ZFP2: variants seen among roughly 807,000 people sequenced by gnomAD.
ZFP2 encodes the protein ZFP2 zinc finger protein, also known as zinc finger protein ZFP2.
Under a neutral mutation model 36.1 loss-of-function variants are expected in ZFP2, and 33 were observed. The ratio of observed to expected loss-of-function variants is 0.92; its 90% confidence interval spans 0.69 to 1.22. The LOEUF is 1.22. ZFP2 is among the 50% of genes most tolerant of loss of function. ZFP2 has a pLI of 0.00. For synonymous variants in ZFP2, 170 were observed against 178.0 expected (o/e 0.96, Z 0.36); for missense variants, 522 against 551.4 (o/e 0.95, Z 0.53).
At chr5:178,929,946 G>T (rs577419398) in intron 4 of ZFP2, among the ~76,000 whole-genome samples, 1,501 of 147,610 alleles carry the variant, frequency 0.01, 49 homozygotes, top group Admixed American at 0.016. Context: ...TGACGGTGGG[G>T]GGGGGGGCTC....
chr5:178,932,776 A>C lies in ZFP2; in HGVS notation c.*77A>C. The C allele has an allele frequency of 6.8e-7, 1 of 1,475,284 alleles. No homozygotes were observed. The highest frequency in any genetic ancestry group is 9.0e-7 in the Non-Finnish European group (1 of 1,106,018). 91.4% of individuals were successfully genotyped at this position (1,475,284 alleles called of 1,614,324 possible). ...TATGAGACATACAATGTAGAAACCT[A>C]ATAAATGTAATGATTGTGGGAATCT... On this transcript the variant is annotated 3_prime_UTR_variant, in exon 5 of 5. Coordinates refer to ENST00000361362, the MANE Select transcript of ZFP2 (RefSeq NM_030613.4).
chr5:178,923,568 T>C (rs1042265099), intron 4 of ZFP2, among the ~76,000 whole-genome samples: 2 of 149,562 alleles, frequency 1.3e-5, no homozygotes, highest in African/African-American at 4.9e-5. Flanking sequence ...AGGAGTACTG[T>C]TATTACTGAA....
In ZFP2 at chr5:178,920,017, G is replaced by T. The variant is rs150097520; in HGVS notation, c.-78+3307G>T. Among the ~76,000 whole-genome samples, 502 of 152,014 alleles carry T rather than the reference G, an allele frequency of 3.3e-3. 13 individuals carry two copies. The highest frequency in any genetic ancestry group is 0.029 in the Admixed American group (446 of 15,270). ...TGCATCTGGGCGTGGATTTCTTTGG[G>T]TTTACCCTGTTCCTATAGGTTGAAA... is the stretch of plus-strand genomic sequence containing the variant. On this transcript the variant is annotated intron_variant, in intron 4 of 4. Coordinates refer to ENST00000361362, the MANE Select transcript of ZFP2 (RefSeq NM_030613.4).
rs1554107138 is a variant in ZFP2, at chr5:178,925,125, A to ATG, written c.-77-6111_-77-6110insGT. ...TGAATCTTTATATATATATATATAT[A>ATG]TACACACACACACACACACACACAC... On this transcript the variant is annotated intron_variant, in intron 4 of 4. Coordinates refer to ENST00000361362, the MANE Select transcript of ZFP2 (RefSeq NM_030613.4). Among the ~76,000 whole-genome samples, 33 of 60,680 alleles carry ATG rather than the reference A, an allele frequency of 5.4e-4. 1 individual carries two copies. In the South Asian group the frequency reaches 6.3e-3, roughly 12 times the overall value. The allele number at this position is 60,680 out of a possible 152,430, so 39.8% of individuals were successfully genotyped here.
chr5:178,932,403 A>G lies in ZFP2; in HGVS notation c.1090A>G (p.Thr364Ala), dbSNP rs1317777029. ...YECMVCGKHF[T>A]GRSSLTVHQV... ...GTGTATGGTGTGTGGAAAACATTTC[A>G]CTGGACGATCATCCCTTACCGTGCA... is the stretch of plus-strand genomic sequence containing the variant. Residue 364 changes from threonine (T) to alanine (A), a missense_variant, in exon 5 of 5, where the codon ACT (threonine) becomes GCT (alanine). Coordinates refer to ENST00000361362, the MANE Select transcript of ZFP2 (RefSeq NM_030613.4). 1.9e-6 allele frequency: 3 copies of G among 1,613,972 alleles called. No individual in the cohort carries two copies. The highest frequency in any genetic ancestry group is 1.7e-6 in the Non-Finnish European group (2 of 1,180,036).
intron 4 of ZFP2, among the ~76,000 whole-genome samples, chr5:178,929,697 C>T (rs1758775745): frequency 6.6e-6 from 1 of 152,168 alleles, no homozygotes; most frequent in Admixed American, 6.5e-5. Flanking sequence ...CTCTTATCTT[C>T]CTATCTTCTT....
intron 4 of ZFP2, among the ~76,000 whole-genome samples, chr5:178,930,287 A>G (rs971503408): frequency 8.4e-6 from 1 of 119,100 alleles, no homozygotes; most frequent in African/African-American, 3.1e-5. Flanking sequence ...TTCCTATATC[A>G]TATTTCTTTC....
rs72816610 is a variant in ZFP2 at position 178,898,607 on chromosome 5, C to G, written c.-450+2633C>G. 8.9e-4 allele frequency among the ~76,000 whole-genome samples: 135 copies of G among 152,308 alleles called. 1 individual carries two copies. Among genetic ancestry groups the G allele is most frequent in the Admixed American group, 1.6e-3 (25 of 15,298 alleles). On this transcript the variant is annotated intron_variant, in intron 1 of 4. Coordinates refer to ENST00000361362, the MANE Select transcript of ZFP2 (RefSeq NM_030613.4). Reference sequence around the variant, plus strand: ...TGCCTCCTTTGGCTTCTGTCCCTCCCCAAGGAAGAACCCCACAGGAAGGAA... The same window carrying G: ...TGCCTCCTTTGGCTTCTGTCCCTCCGCAAGGAAGAACCCCACAGGAAGGAA...
At position 178,916,705 on chromosome 5, in the gene ZFP2, C is replaced by CTTA. The variant is rs139618439; in HGVS notation, c.-82_-81insTAT. ...ATCTCACTTACTTGACACAAAACATCTATAGGTAAGTACTGGTACTCCTCT... is the reference window on the plus strand; with the variant it reads ...ATCTCACTTACTTGACACAAAACATCTTATATAGGTAAGTACTGGTACTCCTCT... On this transcript the variant is annotated 5_prime_UTR_variant, in exon 4 of 5. Transcript: ENST00000361362. The CTTA allele has an allele frequency of 1.0e-6, 1 of 985,436 alleles. No homozygotes were observed. Among genetic ancestry groups the CTTA allele is most frequent in the East Asian group, 1.1e-4 (1 of 8,818 alleles). The allele number at this position is 985,436 out of a possible 1,614,324, so 61.0% of individuals were successfully genotyped here.
At chr5:178,930,824 G>T (rs1192875687) in intron 4 of ZFP2, among the ~76,000 whole-genome samples, 1 of 152,054 alleles carries the variant, frequency 6.6e-6, no homozygotes, top group African/African-American at 2.4e-5. Flanking sequence ...TAGGAGGAAA[G>T]AAACTTCTGG....
chr5:178,929,945 G>GGT (rs1554107557), intron 4 of ZFP2, among the ~76,000 whole-genome samples: 1 of 141,068 alleles, frequency 7.1e-6, no homozygotes, highest in Non-Finnish European at 1.6e-5. Context: ...TTGACGGTGG[G>GGT]GGGGGGGGCT....
intron 1 of ZFP2, among the ~76,000 whole-genome samples, chr5:178,904,694 TG>T (rs1758130898): frequency 1.4e-5 from 2 of 148,012 alleles, no homozygotes; most frequent in African/African-American, 5.0e-5. Context: ...GAATTCATTT[TG>T]CTTTTTTTTT....
Position 178,932,813 on chromosome 5 carries a change from T to A in ZFP2, c.*114T>A. On this transcript the variant is annotated 3_prime_UTR_variant, in exon 5 of 5. Coordinates refer to ENST00000361362, the MANE Select transcript of ZFP2 (RefSeq NM_030613.4). ...GATTGTGGGAATCTTTCAGTTGAAG[T>A]ACAATATGTCATATCAGATAATACC... 2 of 1,305,772 alleles carry A rather than the reference T, an allele frequency of 1.5e-6. No individual in the cohort carries two copies. The highest frequency in any genetic ancestry group is 2.1e-6 in the Non-Finnish European group (2 of 966,000). The allele number at this position is 1,305,772 out of a possible 1,614,324, so 80.9% of individuals were successfully genotyped here.
At chr5:178,896,669 T>C (rs1030679416) in intron 1 of ZFP2, among the ~76,000 whole-genome samples, 2 of 152,208 alleles carry the variant, frequency 1.3e-5, no homozygotes, top group Non-Finnish European at 2.9e-5. Context: ...ATTAAAACAA[T>C]CATTCAAAAT....
Position 178,931,520 on chromosome 5 carries a change from G to T in ZFP2, c.207G>T (p.Met69Ile), listed in dbSNP as rs189296698. 38 of 1,614,056 alleles carry T rather than the reference G, an allele frequency of 2.4e-5. No homozygotes were observed. In the Admixed American group the frequency reaches 5.0e-4, roughly 21 times the overall value. ...TTGATACACAGCAAAGCATTCCTAT[G>T]GTAAAAAGGCCCCATAACTGTAATT... is the stretch of plus-strand genomic sequence containing the variant. ...SILDTQQSIP[M>I]VKRPHNCNSH... Residue 69 changes from methionine (M) to isoleucine (I), a missense_variant, in exon 5 of 5, where the codon ATG becomes ATT. By Grantham distance (10) the Met-to-Ile change is conservative. Transcript: ENST00000361362.
intron 4 of ZFP2, among the ~76,000 whole-genome samples, chr5:178,921,893 A>G (rs1758567932): frequency 6.7e-6 from 1 of 148,880 alleles, no homozygotes; most frequent in African/African-American, 2.4e-5. Context: ...GAATAGGCCT[A>G]CTCCACCTTA....
chr5:178,897,410 A>T (rs942802087), intron 1 of ZFP2, among the ~76,000 whole-genome samples: 1 of 152,236 alleles, frequency 6.6e-6, no homozygotes, highest in African/African-American at 2.4e-5. Flanking sequence ...CAGAAACGTC[A>T]CAGGTTCTTA....
intron 4 of ZFP2, among the ~76,000 whole-genome samples, chr5:178,920,203 T>C (rs1282155328): frequency 6.6e-6 from 1 of 152,238 alleles, no homozygotes; most frequent in African/African-American, 2.4e-5. Flanking sequence ...TTTCTCAATC[T>C]TTTCTCTCTG....
rs377435952 is a variant in ZFP2 at position 178,904,935 on chromosome 5, T to G, written c.-449-7649T>G. ...GCAGGCTGGTCTCGAACTCCTGACC[T>G]CGTGATCTGCCTGCCTCAGCTTCCC... On this transcript the variant is annotated intron_variant, in intron 1 of 4. Transcript: ENST00000361362. 1.8e-4 allele frequency among the ~76,000 whole-genome samples: 28 copies of G among 152,148 alleles called. No individual in the cohort carries two copies. The East Asian group carries it at 2.5e-3, about 14-fold the overall frequency.
Sources: gnomAD v4.1 joint callset for allele counts (sites outside exome capture counted in the v4.1 genomes callset) on GRCh38, gnomAD v4.1.1 for gene constraint, MANE v1.5 for transcripts, NCBI Gene and HGNC (gene_info 2026-07-23, HGNC 2026-07-21) for gene names.